Variants in RAPGEF2 observed in about 807,000 individuals in gnomAD.
RAPGEF2 encodes the protein Rap guanine nucleotide exchange factor 2.
In RAPGEF2, 54 loss-of-function variants were observed where a neutral mutation model predicts 186.7. That is an observed-to-expected ratio of 0.29 (90% CI 0.23 to 0.36). The LOEUF (loss-of-function observed/expected upper bound fraction) is 0.36, where lower values mean the gene tolerates loss of function less well. RAPGEF2 is among the 10% of genes least tolerant of loss of function. The pLI is 1.00. For synonymous variants in RAPGEF2, 712 were observed against 705.9 expected, an observed-to-expected ratio of 1.01 and a Z score of -0.14; for missense variants, 1,532 against 2,045.0, an observed-to-expected ratio of 0.75 and a Z score of 4.84.
At chr4:159,314,860 T>A (rs1332000227) in intron 9 of RAPGEF2, 92 bp downstream of exon 9, 3 of 1,168,726 alleles carry the variant, frequency 2.6e-6, no homozygotes, top group Non-Finnish European at 3.6e-6. Context: ...CTAGTAGGCT[T>A]TAAAAACTCA....
chr4:159,119,811 C>T (rs1301036520), intron 1 of RAPGEF2, among the ~76,000 whole-genome samples: 1 of 152,116 alleles, frequency 6.6e-6, no homozygotes, highest in Admixed American at 6.5e-5. Flanking sequence ...AACATCCCAT[C>T]TATTGATTTA....
At position 159,104,239 on chromosome 4, in the gene RAPGEF2, C is replaced by T; in HGVS notation, c.69+8C>T. The T allele has an allele frequency of 8.8e-7, 1 of 1,139,334 alleles. No individual in the cohort carries two copies. The highest frequency in any genetic ancestry group is 1.1e-6 in the Non-Finnish European group (1 of 912,364). 70.6% of individuals were successfully genotyped at this position (1,139,334 alleles called of 1,614,324 possible). On this transcript the variant is annotated splice_region_variant and intron_variant, in intron 1 of 29. Transcript: ENST00000691494. ...CCCGAAAGGACCCCCCAGGTGAGAA[C>T]GCGGCGGCCGCCTGCCCTTGGCCGG...
intron 3 of RAPGEF2, among the ~76,000 whole-genome samples, chr4:159,199,941 C>T (rs1188181865): frequency 6.6e-6 from 1 of 152,028 alleles, no homozygotes; most frequent in Non-Finnish European, 1.5e-5. Context: ...TAGTAGTTTC[C>T]AAAAGAGTCA....
At chr4:159,267,402 GCT>G in intron 7 of RAPGEF2, 1 of 1,080,394 alleles carries the variant, frequency 9.3e-7, no homozygotes, top group Non-Finnish European at 1.2e-6. Flanking sequence ...TCTGTTAGTG[GCT>G]CTCTTGCTAG....
intron 1 of RAPGEF2, among the ~76,000 whole-genome samples, chr4:159,180,961 G>T (rs758786512): frequency 4.6e-5 from 7 of 151,956 alleles, no homozygotes; most frequent in African/African-American, 9.7e-5. Flanking sequence ...TATTTAATTT[G>T]TATGTTATAA....
At chr4:159,156,961 C>G (rs995461870) in intron 1 of RAPGEF2, among the ~76,000 whole-genome samples, 1 of 152,172 alleles carries the variant, frequency 6.6e-6, no homozygotes, top group Non-Finnish European at 1.5e-5. Flanking sequence ...AGTACAGTAT[C>G]TACCCAATTT....
At position 159,341,570 on chromosome 4, in the gene RAPGEF2, T is replaced by C. The variant is rs757167316; in HGVS notation, c.2541T>C (p.Tyr847=). ...ATGTTTCTGTTTTTCATAGGTATTA[T>C]CTGAAAAACAACATGGAAACAGAAA... is the stretch of plus-strand genomic sequence containing the variant. The part of the protein sequence containing the change: ...ADRIQLSGRY[Y]LKNNMETETL... The change falls in exon 20 of 30, where the codon TAT becomes TAC. Residue 847 remains tyrosine (Y), a synonymous_variant. Transcript: ENST00000691494. 6.3e-7 allele frequency: 1 copy of C among 1,590,582 alleles called. No homozygotes were observed. The highest frequency in any genetic ancestry group is 8.5e-7 in the Non-Finnish European group (1 of 1,171,290).
At chr4:159,240,804 A>G (rs1753889946) in intron 5 of RAPGEF2, among the ~76,000 whole-genome samples, 1 of 144,430 alleles carries the variant, frequency 6.9e-6, no homozygotes, top group Non-Finnish European at 1.5e-5. Context: ...GATTTCCATC[A>G]GGGTTTTTTT....
chr4:159,282,865 T>G (rs1276606598), intron 7 of RAPGEF2, among the ~76,000 whole-genome samples: 1 of 152,212 alleles, frequency 6.6e-6, no homozygotes, highest in Non-Finnish European at 1.5e-5. Flanking sequence ...TCATAAATGC[T>G]GCGTTCTTTT....
intron 1 of RAPGEF2, among the ~76,000 whole-genome samples, chr4:159,181,032 T>C (rs1443187059): frequency 6.6e-6 from 1 of 152,216 alleles, no homozygotes; most frequent in African/African-American, 2.4e-5. Flanking sequence ...AATTGTTAAA[T>C]CCATGTATAT....
At chr4:159,199,084 A>G (rs1749120150) in intron 3 of RAPGEF2, among the ~76,000 whole-genome samples, 1 of 150,884 alleles carries the variant, frequency 6.6e-6, no homozygotes, top group African/African-American at 2.4e-5. Context: ...AAAAAGTGAA[A>G]CCAAAGGTTT....
At chr4:159,158,009 G>C (rs1265408702) in intron 1 of RAPGEF2, among the ~76,000 whole-genome samples, 1 of 152,100 alleles carries the variant, frequency 6.6e-6, no homozygotes, top group African/African-American at 2.4e-5. Flanking sequence ...GATGGTGCCT[G>C]GGGGTGTACT....
intron 4 of RAPGEF2, among the ~76,000 whole-genome samples, chr4:159,213,518 G>T (rs1490547350): frequency 2.0e-5 from 3 of 152,140 alleles, no homozygotes; most frequent in Admixed American, 6.6e-5. Flanking sequence ...TATTTTTGAT[G>T]AATTCTTATG....
chr4:159,330,723 A>G (rs1766577789), intron 13 of RAPGEF2: 5 of 434,412 alleles, frequency 1.2e-5, no homozygotes, highest in South Asian at 1.0e-4. Flanking sequence ...TTTAAACACA[A>G]AGGCCAATAA....
At chr4:159,277,796 G>A (rs892878139) in intron 7 of RAPGEF2, among the ~76,000 whole-genome samples, 1 of 152,040 alleles carries the variant, frequency 6.6e-6, no homozygotes, top group Non-Finnish European at 1.5e-5. Context: ...TTGTAAATTT[G>A]TTTAGTTCTT....
chr4:159,320,686 A>C (rs149595410), intron 9 of RAPGEF2, among the ~76,000 whole-genome samples: 5 of 151,706 alleles, frequency 3.3e-5, no homozygotes, highest in African/African-American at 1.2e-4. Flanking sequence ...AGAGAAAACC[A>C]CTCCGTCTGT....
chr4:159,141,853 C>T (rs1742374102), intron 1 of RAPGEF2, among the ~76,000 whole-genome samples: 1 of 152,126 alleles, frequency 6.6e-6, no homozygotes, highest in South Asian at 2.1e-4. Flanking sequence ...ACCAGTTTTA[C>T]ATTTACTTCA....
rs764541196 is a variant in RAPGEF2 at position 159,339,259 on chromosome 4, A to G, written c.2439A>G (p.Leu813=). ...CTGCCACCCCGGATCAATATTCACT[A>G]TGTGAGGTCTCTGTCACACCTGAGG... The part of the protein sequence containing the change: ...AVTATPDQYS[L]CEVSVTPEGV... Residue 813 remains leucine (L), a synonymous_variant, in exon 19 of 30, where the codon CTA becomes CTG. Coordinates refer to ENST00000691494, the MANE Select transcript of RAPGEF2 (RefSeq NM_001394067.2). 1.4e-5 allele frequency: 23 copies of G among 1,614,026 alleles called. No homozygotes were observed. The African/African-American group carries it at 2.0e-4, about 14-fold the overall frequency.
chr4:159,357,999 C>A, intron 29 of RAPGEF2, 115 bp from the exon 30 acceptor site: 2 of 1,078,740 alleles, frequency 1.9e-6, no homozygotes, highest in Non-Finnish European at 2.6e-6. Flanking sequence ...GTGAGCTATA[C>A]TAAAAAGAAT....
Sources: allele counts gnomAD v4.1 joint callset (sites outside exome capture counted in the v4.1 genomes callset), GRCh38; gene constraint gnomAD v4.1.1; transcripts MANE v1.5; gene names NCBI Gene and HGNC (gene_info 2026-07-23, HGNC 2026-07-21).